Variants in CNTN5 observed in about 807,000 individuals in gnomAD.
The protein encoded by CNTN5 is contactin 5.
Under a neutral mutation model 129.1 loss-of-function variants are expected in CNTN5, and 77 were observed. The ratio of observed to expected loss-of-function variants is 0.60; its 90% CI spans 0.50 to 0.72. The LOEUF is 0.72. Ranked by LOEUF, CNTN5 falls within the 30% of genes least tolerant of loss-of-function variation. The pLI is 0.00. For missense variants in CNTN5, 1,478 were observed against 1,328.8 expected (o/e 1.11, Z -1.75); for synonymous variants, 509 against 465.6 (o/e 1.09, Z -1.20).
chr11:99,611,428 G>T (rs983502012), intron 3 of CNTN5, among the ~76,000 whole-genome samples: 7 of 152,142 alleles, frequency 4.6e-5, no homozygotes, highest in African/African-American at 1.7e-4. Context: ...TCTTACTAAA[G>T]ACGTACAATT....
intron 13 of CNTN5, among the ~76,000 whole-genome samples, chr11:100,157,233 C>CACATACAATT (rs1268686844): frequency 6.6e-6 from 1 of 151,784 alleles, no homozygotes; most frequent in East Asian, 1.9e-4. Flanking sequence ...GGGAAAAAAT[C>CACATACAATT]ACATACAATT....
chr11:99,501,544 T>C (rs1180001386), intron 2 of CNTN5, among the ~76,000 whole-genome samples: 1 of 152,216 alleles, frequency 6.6e-6, no homozygotes, highest in Non-Finnish European at 1.5e-5. Context: ...GGCAAGATGC[T>C]GCAGTTGCAA....
At chr11:99,285,945 G>C (rs1273235571) in intron 1 of CNTN5, among the ~76,000 whole-genome samples, 1 of 150,796 alleles carries the variant, frequency 6.6e-6, no homozygotes, top group Non-Finnish European at 1.5e-5. Flanking sequence ...GGCTGAGACA[G>C]GAGAATCCCT....
At chr11:99,782,873 C>A (rs1318690395) in intron 3 of CNTN5, among the ~76,000 whole-genome samples, 1 of 151,772 alleles carries the variant, frequency 6.6e-6, no homozygotes, top group Non-Finnish European at 1.5e-5. Context: ...ACCACAAAAA[C>A]CCTAGAAGAA....
intron 3 of CNTN5, among the ~76,000 whole-genome samples, chr11:99,761,147 T>C (rs1944565942): frequency 6.6e-6 from 1 of 152,122 alleles, no homozygotes; most frequent in African/African-American, 2.4e-5. Context: ...TAAAACGTGA[T>C]AAGAACAGTA....
intron 3 of CNTN5, among the ~76,000 whole-genome samples, chr11:99,654,487 T>C: frequency 6.6e-6 from 1 of 152,122 alleles, no homozygotes; most frequent in South Asian, 2.1e-4. Flanking sequence ...CAGGGGGTAG[T>C]ATGGGACCAA....
At chr11:99,934,067 T>C (rs950090477) in intron 7 of CNTN5, among the ~76,000 whole-genome samples, 6 of 152,242 alleles carry the variant, frequency 3.9e-5, no homozygotes, top group Non-Finnish European at 8.8e-5. Context: ...ATTTTGATGA[T>C]AGTATATATT....
intron 6 of CNTN5, among the ~76,000 whole-genome samples, chr11:99,870,613 G>C (rs1565624362): frequency 6.6e-6 from 1 of 152,004 alleles, no homozygotes; most frequent in Non-Finnish European, 1.5e-5. Context: ...TACCATCAAT[G>C]GTAGACATAG....
At position 100,262,582 on chromosome 11, in the gene CNTN5, C is replaced by T. The variant is rs576105556; in HGVS notation, c.2164+6664C>T. Among the ~76,000 whole-genome samples, 5 of 152,252 alleles carry T rather than the reference C, an allele frequency of 3.3e-5. No homozygotes were observed. In the South Asian group the frequency reaches 1.0e-3, roughly 32 times the overall value. Reference sequence around the variant, plus strand: ...TAGCCTGGATGAAGAAAATGTGGCACATATATGCCATGGAATACTATGCAG... The same window carrying T: ...TAGCCTGGATGAAGAAAATGTGGCATATATATGCCATGGAATACTATGCAG... On this transcript the variant is annotated intron_variant, in intron 17 of 24. Coordinates refer to ENST00000524871, the MANE Select transcript of CNTN5 (RefSeq NM_014361.4).
intron 2 of CNTN5, among the ~76,000 whole-genome samples, chr11:99,385,874 A>C (rs1206032642): frequency 6.6e-6 from 1 of 152,212 alleles, no homozygotes; most frequent in Non-Finnish European, 1.5e-5. Flanking sequence ...ATCTTTAGAC[A>C]GTCTTCCTCA....
At chr11:99,385,592 T>G (rs535089176) in intron 2 of CNTN5, among the ~76,000 whole-genome samples, 1 of 152,190 alleles carries the variant, frequency 6.6e-6, no homozygotes, top group Non-Finnish European at 1.5e-5. Context: ...AGAGAGAAAA[T>G]TTGTAAGAAA....
chr11:99,759,630 C>T (rs1285025096), intron 3 of CNTN5, among the ~76,000 whole-genome samples: 2 of 143,456 alleles, frequency 1.4e-5, no homozygotes, highest in Non-Finnish European at 1.5e-5. Flanking sequence ...GATCTAGGGT[C>T]AGATGACGAA....
chr11:99,902,504 A>G (rs1949386122), intron 6 of CNTN5, among the ~76,000 whole-genome samples: 1 of 152,128 alleles, frequency 6.6e-6, no homozygotes, highest in Non-Finnish European at 1.5e-5. Flanking sequence ...ATCACTAGTA[A>G]ATAGACATAT....
chr11:100,290,155 C>A (rs1351137253), intron 18 of CNTN5, among the ~76,000 whole-genome samples: 1 of 151,706 alleles, frequency 6.6e-6, no homozygotes, highest in Non-Finnish European at 1.5e-5. Context: ...TAGGAAGAAT[C>A]TTTATCGTGA....
At chr11:99,544,827 T>A (rs1948238644) in intron 2 of CNTN5, among the ~76,000 whole-genome samples, 1 of 152,204 alleles carries the variant, frequency 6.6e-6, no homozygotes, top group South Asian at 2.1e-4. Context: ...TCCTATCTAC[T>A]TGATCACAAT....
chr11:99,355,606 G>A (rs1240903571), intron 2 of CNTN5, among the ~76,000 whole-genome samples: 2 of 152,054 alleles, frequency 1.3e-5, no homozygotes, highest in Non-Finnish European at 2.9e-5. Context: ...AGAAAAAGTA[G>A]AGTGTTTTTG....
rs182716938 is a variant in CNTN5, at chr11:99,304,387, A to C, written c.-209-20959A>C. Among the ~76,000 whole-genome samples, 199 of 152,282 alleles carry C rather than the reference A, an allele frequency of 1.3e-3. 3 individuals carry two copies. Among genetic ancestry groups the C allele is most frequent in the African/African-American group, 3.8e-3 (160 of 41,562 alleles). Reference sequence around the variant, plus strand: ...TTGTGTAAGGAAAATAATCTGATTAAAATCATTCACATATAAATCAATTTG... The same window carrying C: ...TTGTGTAAGGAAAATAATCTGATTACAATCATTCACATATAAATCAATTTG... On this transcript the variant is annotated intron_variant, in intron 1 of 24. Coordinates refer to ENST00000524871, the MANE Select transcript of CNTN5 (RefSeq NM_014361.4).
At chr11:100,250,762 ATTAT>A (rs1949947451) in intron 16 of CNTN5, among the ~76,000 whole-genome samples, 1 of 152,174 alleles carries the variant, frequency 6.6e-6, no homozygotes. Context: ...AAGTTTAAAA[ATTAT>A]TTAATTATTA....
intron 22 of CNTN5, 67 bp from the exon 23 acceptor site, chr11:100,341,026 C>G (rs1186710699): frequency 4.2e-6 from 5 of 1,183,656 alleles, no homozygotes; most frequent in Non-Finnish European, 6.3e-6. Context: ...GAGATACTCA[C>G]AAAGAATTAA....
Sources: allele counts gnomAD v4.1 joint callset (sites outside exome capture counted in the v4.1 genomes callset), GRCh38; gene constraint gnomAD v4.1.1; transcripts MANE v1.5; gene names NCBI Gene and HGNC (gene_info 2026-07-23, HGNC 2026-07-21).